The following SCEL variants were observed in gnomAD, a reference collection of about 807,000 sequenced individuals.
SCEL encodes sciellin.
SCEL carries 113 observed loss-of-function variants against 117.6 expected under a neutral mutation model. That is an observed-to-expected ratio of 0.96 (90% CI 0.83 to 1.12). The LOEUF is 1.12. Among genes scored for constraint, SCEL ranks in the 50% most tolerant of loss-of-function variants. SCEL has a pLI of 0.00. For synonymous variants in SCEL, 270 were observed against 256.2 expected (o/e 1.05, Z -0.51); for missense variants, 785 against 810.8 (o/e 0.97, Z 0.39).
intron 14 of SCEL, 98 bp downstream of exon 14, chr13:77,599,486 G>A: frequency 1.9e-6 from 2 of 1,055,990 alleles, no homozygotes; most frequent in East Asian, 2.4e-5. Flanking sequence ...CCTCTGGCAT[G>A]GAAATGTACT....
At chr13:77,553,522 T>C (rs2154395434) in intron 1 of SCEL, among the ~76,000 whole-genome samples, 1 of 152,212 alleles carries the variant, frequency 6.6e-6, no homozygotes, top group East Asian at 1.9e-4. Flanking sequence ...AGAGGCAAAA[T>C]AGTCACTAGT....
At chr13:77,551,537 T>C (rs1055328383) in intron 1 of SCEL, among the ~76,000 whole-genome samples, 1 of 152,176 alleles carries the variant, frequency 6.6e-6, no homozygotes, top group African/African-American at 2.4e-5. Flanking sequence ...GAGGCCTCTC[T>C]CCTTGGCCTG....
At chr13:77,596,688 G>GGTGTGTGTGTGT (rs71102762) in intron 12 of SCEL, among the ~76,000 whole-genome samples, 1,682 of 145,432 alleles carry the variant, frequency 0.012, 31 homozygotes, top group Non-Finnish European at 0.017. Flanking sequence ...GGTGGGGCAA[G>GGTGTGTGTGTGT]GTGTGTGTGT....
chr13:77,552,518 C>T (rs1205228856), intron 1 of SCEL, among the ~76,000 whole-genome samples: 2 of 151,612 alleles, frequency 1.3e-5, no homozygotes, highest in East Asian at 1.9e-4. Context: ...TGTTCATGTC[C>T]TTCGCCCACT....
chr13:77,543,710 C>T (rs1004831779), intron 1 of SCEL, among the ~76,000 whole-genome samples: 4 of 152,218 alleles, frequency 2.6e-5, no homozygotes, highest in African/African-American at 9.6e-5. Context: ...TTTTCTGTTT[C>T]TGCATTAATT....
intron 28 of SCEL, among the ~76,000 whole-genome samples, chr13:77,633,908 C>T (rs558262713): frequency 9.9e-5 from 15 of 152,210 alleles, no homozygotes; most frequent in African/African-American, 3.4e-4. Context: ...AAAAAGTCTA[C>T]AATTTAAAAA....
intron 11 of SCEL, among the ~76,000 whole-genome samples, 194 bp downstream of exon 11, chr13:77,591,654 A>G (rs1366687782): frequency 6.6e-6 from 1 of 152,182 alleles, no homozygotes; most frequent in Non-Finnish European, 1.5e-5. Flanking sequence ...CAAACTTTCC[A>G]TTAAGAAAAC....
At chr13:77,638,341 G>A (rs2090403041) in intron 30 of SCEL, among the ~76,000 whole-genome samples, 1 of 152,068 alleles carries the variant, frequency 6.6e-6, no homozygotes, top group Non-Finnish European at 1.5e-5. Flanking sequence ...ATTGACACCA[G>A]CATTAGAACT....
rs370918246 is a variant in SCEL, at chr13:77,603,878, C to A, written c.1098-478C>A. Among the ~76,000 whole-genome samples the A allele has an allele frequency of 4.6e-5, 7 of 152,212 alleles. No homozygotes were observed. In the South Asian group the frequency reaches 6.2e-4, roughly 14 times the overall value. On this transcript the variant is annotated intron_variant, in intron 18 of 32. Transcript: ENST00000349847. ...TTATATGAAAGCATACGTTCTTATT[C>A]TTTTAGTTAATATTGTTAAATTCTT...
chr13:77,599,439 C>A, intron 14 of SCEL, 51 bp downstream of exon 14: 2 of 1,465,080 alleles, frequency 1.4e-6, no homozygotes, highest in South Asian at 1.2e-5. Context: ...GATTGCTCGT[C>A]TTATTCCCTC....
chr13:77,637,251 CAT>C (rs755741313), intron 30 of SCEL, 57 bp downstream of exon 30: 214,746 of 409,686 alleles, frequency 0.52, 62,415 homozygotes, highest in Middle Eastern at 0.59. Context: ...CACACACACA[CAT>C]ATATATATAT....
chr13:77,639,986 T>C (rs567288832), intron 30 of SCEL, among the ~76,000 whole-genome samples: 1 of 152,312 alleles, frequency 6.6e-6, no homozygotes, highest in East Asian at 1.9e-4. Flanking sequence ...TCATTTATCA[T>C]TGAACATTAT....
At position 77,583,054 on chromosome 13, in the gene SCEL, G is replaced by C. The variant is rs1009708464; in HGVS notation, c.546-6090G>C. 2.6e-5 allele frequency among the ~76,000 whole-genome samples: 4 copies of C among 152,092 alleles called. No individual in the cohort carries two copies. The South Asian group carries it at 8.3e-4, about 32-fold the overall frequency. On this transcript the variant is annotated intron_variant, in intron 9 of 32. Transcript: ENST00000349847. ...ATAAAAGTTGACTCATGTTCTTATAGAGCCAACTTAAATTTAAATTTTATT... is the reference window on the plus strand; with the variant it reads ...ATAAAAGTTGACTCATGTTCTTATACAGCCAACTTAAATTTAAATTTTATT...
At chr13:77,599,124 A>C (rs900149852) in intron 13 of SCEL, among the ~76,000 whole-genome samples, 1 of 152,174 alleles carries the variant, frequency 6.6e-6, no homozygotes, top group African/African-American at 2.4e-5. Context: ...ACAGATCCCC[A>C]GTTTATATCT....
chr13:77,536,978 T>C (rs2083448543), intron 1 of SCEL, among the ~76,000 whole-genome samples: 1 of 152,248 alleles, frequency 6.6e-6, no homozygotes, highest in Non-Finnish European at 1.5e-5. Flanking sequence ...TAAAATGTGA[T>C]TACATTTAAA....
At chr13:77,572,263 T>C (rs1055578948) in intron 9 of SCEL, 74 bp downstream of exon 9, 1 of 1,197,416 alleles carries the variant, frequency 8.4e-7, no homozygotes, top group Admixed American at 1.8e-5. Flanking sequence ...CAACATATAA[T>C]TGTGGATGTT....
In SCEL at chr13:77,617,594, T is replaced by C. The variant is rs1380902478; in HGVS notation, c.1452-5T>C. 2.5e-5 allele frequency: 39 copies of C among 1,572,472 alleles called. No homozygotes were observed. The highest frequency in any genetic ancestry group is 3.2e-5 in the Non-Finnish European group (37 of 1,153,022). ...AAGTTGCTTTAATATTTTTTCCACT[T>C]AAAGAAAACAAGATCTTGATAAACT... On this transcript the variant is annotated splice_polypyrimidine_tract_variant and splice_region_variant and intron_variant, in intron 24 of 32. Transcript: ENST00000349847.
rs988903472 is a variant in SCEL at position 77,644,905 on chromosome 13, C to G, written c.*631C>G. On this transcript the variant is annotated 3_prime_UTR_variant, in exon 33 of 33. Coordinates refer to ENST00000349847, the MANE Select transcript of SCEL (RefSeq NM_144777.3). ...CTAAAGCAGTTTTTAGAATCATTAGCTCTTTGGAAACATATATGCATACAT... is the reference window on the plus strand; with the variant it reads ...CTAAAGCAGTTTTTAGAATCATTAGGTCTTTGGAAACATATATGCATACAT... 1 of 152,240 alleles carries G rather than the reference C, an allele frequency of 6.6e-6. No homozygotes were observed. Among genetic ancestry groups the G allele is most frequent in the Non-Finnish European group, 1.5e-5 (1 of 68,114 alleles). 9.4% of individuals were successfully genotyped at this position (152,240 alleles called of 1,614,324 possible).
At chr13:77,607,711 A>G (rs1381674277) in intron 19 of SCEL, among the ~76,000 whole-genome samples, 1 of 152,224 alleles carries the variant, frequency 6.6e-6, no homozygotes, top group African/African-American at 2.4e-5. Flanking sequence ...TGAAACAAGT[A>G]TATAGACTAA....
Sources: allele counts gnomAD v4.1 joint callset (sites outside exome capture counted in the v4.1 genomes callset), GRCh38; gene constraint gnomAD v4.1.1; transcripts MANE v1.5; gene names NCBI Gene and HGNC (gene_info 2026-07-23, HGNC 2026-07-21).